LINGO2: variants seen among roughly 807,000 people sequenced by gnomAD.
The protein encoded by LINGO2 is leucine-rich repeat and immunoglobulin-like domain-containing nogo receptor-interacting protein 2.
In LINGO2, 14 loss-of-function variants were observed where a neutral mutation model predicts 30.6. The ratio of observed to expected loss-of-function variants is 0.46; its 90% confidence interval spans 0.30 to 0.72. LINGO2 has a LOEUF of 0.72. Among genes scored for constraint, LINGO2 ranks in the 30% least tolerant of loss-of-function variants. The pLI, the probability that LINGO2 is intolerant of heterozygous loss-of-function variation, is 0.07. For synonymous variants in LINGO2, 317 were observed against 288.5 expected (o/e 1.10, Z -1.00); for missense variants, 729 against 751.7 (o/e 0.97, Z 0.35).
intron 4 of LINGO2, among the ~76,000 whole-genome samples, chr9:28,287,570 C>T (rs1404489270): frequency 1.3e-5 from 2 of 152,078 alleles, no homozygotes; most frequent in African/African-American, 2.4e-5. Flanking sequence ...TGCTTTCTAG[C>T]CATAAAAATG....
the LINGO2 span, among the ~76,000 whole-genome samples, chr9:29,028,345 G>C: frequency 6.7e-6 from 1 of 149,594 alleles, no homozygotes; most frequent in South Asian, 2.1e-4. Context: ...TCAGGAAGGA[G>C]GGTTTCATTC....
At chr9:28,240,566 G>C (rs796439289) in intron 4 of LINGO2, among the ~76,000 whole-genome samples, 11 of 152,230 alleles carry the variant, frequency 7.2e-5, no homozygotes, top group African/African-American at 1.9e-4. Context: ...TCAATAAATG[G>C]TGCTGGGAAA....
intron 4 of LINGO2, among the ~76,000 whole-genome samples, chr9:28,265,567 T>C (rs1391299762): frequency 6.6e-6 from 1 of 151,986 alleles, no homozygotes; most frequent in African/African-American, 2.4e-5. Flanking sequence ...TTTTAGGAAA[T>C]ATACATTAAA....
At chr9:28,477,965 A>C (rs931307210) in intron 1 of LINGO2, among the ~76,000 whole-genome samples, 1 of 152,128 alleles carries the variant, frequency 6.6e-6, no homozygotes, top group Non-Finnish European at 1.5e-5. Flanking sequence ...GGTCTTCAGC[A>C]ACTAAGGACT....
At chr9:28,267,359 T>C (rs970671543) in intron 4 of LINGO2, among the ~76,000 whole-genome samples, 1 of 151,992 alleles carries the variant, frequency 6.6e-6, no homozygotes, top group Non-Finnish European at 1.5e-5. Flanking sequence ...CACTTATTCC[T>C]TTGCTTAGGG....
chr9:28,428,031 G>A (rs1823484671), intron 2 of LINGO2, among the ~76,000 whole-genome samples: 1 of 152,208 alleles, frequency 6.6e-6, no homozygotes, highest in Non-Finnish European at 1.5e-5. Flanking sequence ...AATACAGTCA[G>A]TTGCACCCAG....
chr9:29,111,554 GCTAAA>G, the LINGO2 span, among the ~76,000 whole-genome samples: 3 of 151,680 alleles, frequency 2.0e-5, no homozygotes, highest in Non-Finnish European at 2.9e-5. Context: ...TATACTTGCT[GCTAAA>G]CTAAACAGTT....
In LINGO2 at chr9:28,439,967, T is replaced by C. The variant is rs908549417; in HGVS notation, c.-279+35973A>G. Among the ~76,000 whole-genome samples, 18 of 152,280 alleles carry C rather than the reference T, an allele frequency of 1.2e-4. No homozygotes were observed. In the South Asian group the frequency reaches 3.5e-3, roughly 30 times the overall value. On this transcript the variant is annotated intron_variant, in intron 2 of 5. Transcript: ENST00000379992. ...ATCCTGAATTGAGTATAACTTGATG[T>C]GTACATGCCAGTAGCAAACTAAATT...
chr9:28,932,355 T>C, the LINGO2 span, among the ~76,000 whole-genome samples: 1 of 152,066 alleles, frequency 6.6e-6, no homozygotes, highest in Admixed American at 6.6e-5. Context: ...CTGGAATTCC[T>C]TCTCTCTCTG....
chr9:28,106,581 A>G (rs944256386), intron 4 of LINGO2, among the ~76,000 whole-genome samples: 3 of 152,028 alleles, frequency 2.0e-5, no homozygotes, highest in Non-Finnish European at 4.4e-5. Context: ...ATTCACATAC[A>G]CATTCCAAGT....
the LINGO2 span, among the ~76,000 whole-genome samples, chr9:28,698,323 C>T: frequency 6.6e-6 from 1 of 151,972 alleles, no homozygotes; most frequent in Non-Finnish European, 1.5e-5. Context: ...TTTATACATC[C>T]TTCTAAGTTA....
At chr9:28,830,617 T>A in the LINGO2 span, among the ~76,000 whole-genome samples, 2 of 152,212 alleles carry the variant, frequency 1.3e-5, no homozygotes, top group Admixed American at 6.5e-5. Flanking sequence ...AAGGAGGGAA[T>A]GAATGAAAGA....
intron 1 of LINGO2, among the ~76,000 whole-genome samples, chr9:28,634,800 CA>C (rs1346354165): frequency 6.6e-6 from 1 of 152,086 alleles, no homozygotes; most frequent in Non-Finnish European, 1.5e-5. Context: ...TACTTTCAAC[CA>C]AAGTAACATG....
the LINGO2 span, among the ~76,000 whole-genome samples, chr9:28,942,473 C>A: frequency 1.3e-5 from 2 of 152,154 alleles, no homozygotes; most frequent in African/African-American, 4.8e-5. Flanking sequence ...CTGCATGGGC[C>A]ATGACATCAG....
At chr9:29,206,865 A>G in the LINGO2 span, among the ~76,000 whole-genome samples, 2 of 152,272 alleles carry the variant, frequency 1.3e-5, no homozygotes, top group Non-Finnish European at 2.9e-5. Context: ...ATTGATGTGA[A>G]TTTAACTAAT....
In LINGO2 at chr9:28,355,067, C is replaced by G. The variant is rs1213426186; in HGVS notation, c.-246+17769G>C. 2.6e-5 allele frequency among the ~76,000 whole-genome samples: 4 copies of G among 152,076 alleles called. No homozygotes were observed. In the South Asian group the frequency reaches 6.2e-4, roughly 24 times the overall value. ...TACCCAAAACATTCTAAAACTAAGT[C>G]TAATAGGAAGAGAAATTCATTCTAA... is the stretch of plus-strand genomic sequence containing the variant. On this transcript the variant is annotated intron_variant, in intron 3 of 5. Transcript: ENST00000379992.
At chr9:27,991,597 G>A (rs778084635) in intron 5 of LINGO2, among the ~76,000 whole-genome samples, 3 of 152,022 alleles carry the variant, frequency 2.0e-5, no homozygotes, top group Non-Finnish European at 2.9e-5. Flanking sequence ...AGAAAGAGGA[G>A]CTGACCATGT....
chr9:28,554,145 A>C (rs1174360924), intron 1 of LINGO2, among the ~76,000 whole-genome samples: 1 of 151,426 alleles, frequency 6.6e-6, no homozygotes, highest in Non-Finnish European at 1.5e-5. Flanking sequence ...TTCACACATA[A>C]CCATATTAAC....
intron 3 of LINGO2, among the ~76,000 whole-genome samples, chr9:28,350,425 G>A (rs1469613540): frequency 1.3e-5 from 2 of 148,998 alleles, no homozygotes; most frequent in Non-Finnish European, 3.0e-5. Flanking sequence ...AATGGTAAAG[G>A]GATCAATTCA....
Sources: gnomAD v4.1 joint callset for allele counts (sites outside exome capture counted in the v4.1 genomes callset) on GRCh38, gnomAD v4.1.1 for gene constraint, MANE v1.5 for transcripts, NCBI Gene and HGNC (gene_info 2026-07-23, HGNC 2026-07-21) for gene names.